The following PCSK6 variants were observed in gnomAD, a reference collection of about 807,000 sequenced individuals.
PCSK6 encodes paired basic amino acid cleaving enzyme 4.
In PCSK6, 85 loss-of-function variants were observed where a neutral mutation model predicts 123.3. That is an observed-to-expected ratio of 0.69 (90% CI 0.58 to 0.83). The LOEUF is 0.83. PCSK6 is among the 40% of genes least tolerant of loss of function. The probability of loss-of-function intolerance (pLI) is 0.00; values close to 1 mark genes in which losing one functional copy is unlikely to be tolerated. For missense variants in PCSK6, 1,191 were observed against 1,282.3 expected, an observed-to-expected ratio of 0.93 and a Z score of 1.09; for synonymous variants, 508 against 516.0, an observed-to-expected ratio of 0.98 and a Z score of 0.21.
intron 1 of PCSK6, among the ~76,000 whole-genome samples, chr15:101,445,277 C>T (rs2056857829): frequency 6.6e-6 from 1 of 152,198 alleles, no homozygotes; most frequent in African/African-American, 2.4e-5. Flanking sequence ...AGGTCTGCAT[C>T]TAATGTGACC....
At chr15:101,477,620 G>A (rs2057765945) in intron 1 of PCSK6, among the ~76,000 whole-genome samples, 1 of 152,172 alleles carries the variant, frequency 6.6e-6, no homozygotes, top group South Asian at 2.1e-4. Flanking sequence ...GTTCTTTTCT[G>A]TATTGCAAAA....
In PCSK6 at chr15:101,399,000, T is replaced by G. The variant is rs2042507469; in HGVS notation, c.824-424A>C. Among the ~76,000 whole-genome samples, 1 of 152,148 alleles carries G rather than the reference T, an allele frequency of 6.6e-6. No individual in the cohort carries two copies. Among genetic ancestry groups the G allele is most frequent in the African/African-American group, 2.4e-5 (1 of 41,424 alleles). On this transcript the variant is annotated intron_variant, in intron 6 of 21. Coordinates refer to ENST00000611716, the MANE Select transcript of PCSK6 (RefSeq NM_002570.5). The surrounding 1 kb of genome is among the most constrained non-coding windows in gnomAD (Gnocchi z 4.6). ...TCACTGCAAGCTCCACCTCCCGGGT[T>G]CAAGTGATTCTCCTGCCTCAGCCTC...
chr15:101,333,825 A>T (rs2040418353), intron 13 of PCSK6, among the ~76,000 whole-genome samples: 1 of 152,176 alleles, frequency 6.6e-6, no homozygotes, highest in African/African-American at 2.4e-5. Context: ...GACAGGCGGG[A>T]CTGGCCCCAC....
intron 1 of PCSK6, among the ~76,000 whole-genome samples, chr15:101,481,114 A>C (rs1215500804): frequency 2.6e-5 from 4 of 152,178 alleles, no homozygotes; most frequent in Non-Finnish European, 5.9e-5. Flanking sequence ...AACCTTAGAG[A>C]GCAGCCAGAG....
chr15:101,347,149 G>C (rs2040755551), intron 13 of PCSK6: 1 of 1,231,672 alleles, frequency 8.1e-7, no homozygotes, highest in Admixed American at 4.2e-5. Context: ...TGAGAGTTTA[G>C]TGACAAACTT....
chr15:101,393,511 A>G (rs1325859978), intron 7 of PCSK6, 87 bp from the exon 8 acceptor site: 3 of 985,060 alleles, frequency 3.0e-6, no homozygotes, highest in Non-Finnish European at 4.5e-6. Flanking sequence ...CCATCTCCCA[A>G]ATGTTCCTTC....
intron 6 of PCSK6, among the ~76,000 whole-genome samples, chr15:101,420,643 G>A (rs1456656014): frequency 1.3e-5 from 2 of 152,100 alleles, no homozygotes; most frequent in African/African-American, 4.8e-5. Context: ...GATTACAAGT[G>A]TGAACCACTA....
At chr15:101,469,087 C>T (rs940667055) in intron 1 of PCSK6, among the ~76,000 whole-genome samples, 1 of 152,048 alleles carries the variant, frequency 6.6e-6, no homozygotes, top group African/African-American at 2.4e-5. Context: ...ATCAAAATAG[C>T]GCTATGAGAA....
chr15:101,384,120 G>A, intron 10 of PCSK6: 3 of 985,244 alleles, frequency 3.0e-6, no homozygotes. Context: ...AGACTCTTGT[G>A]ACCTGAGGGT....
chr15:101,375,423 G>C (rs730557), intron 11 of PCSK6, among the ~76,000 whole-genome samples: 67,346 of 152,038 alleles, frequency 0.44, 15,639 homozygotes, highest in East Asian at 0.69. Flanking sequence ...ACTTTTTCCT[G>C]TACGTTAAAT....
intron 11 of PCSK6, among the ~76,000 whole-genome samples, chr15:101,378,689 C>G (rs2041821682): frequency 6.6e-6 from 1 of 152,232 alleles, no homozygotes; most frequent in Non-Finnish European, 1.5e-5. Flanking sequence ...GAGGTCCCCT[C>G]TTCCCTGATG....
At chr15:101,423,644 C>T (rs910110693) in intron 6 of PCSK6, among the ~76,000 whole-genome samples, 10 of 151,676 alleles carry the variant, frequency 6.6e-5, no homozygotes, top group Admixed American at 2.0e-4. Context: ...TCATTCCATT[C>T]GAAGCAGAGA....
intron 6 of PCSK6, among the ~76,000 whole-genome samples, chr15:101,422,082 T>C (rs924786092): frequency 6.6e-6 from 1 of 152,256 alleles, no homozygotes; most frequent in African/African-American, 2.4e-5. Flanking sequence ...CAAGTTGACA[T>C]GACTTTTCCT....
intron 6 of PCSK6, among the ~76,000 whole-genome samples, chr15:101,412,455 ATAAAGATTT>A (rs1220824046): frequency 2.0e-5 from 3 of 152,068 alleles, no homozygotes; most frequent in Non-Finnish European, 2.9e-5. Flanking sequence ...TTGTATATTA[ATAAAGATTT>A]TAAAGAGGCC....
At chr15:101,454,403 A>C (rs2057119761) in intron 1 of PCSK6, among the ~76,000 whole-genome samples, 1 of 152,218 alleles carries the variant, frequency 6.6e-6, no homozygotes, top group Admixed American at 6.5e-5. Context: ...GTGGATCGAC[A>C]AAACCTGGCA....
intron 12 of PCSK6, 147 bp downstream of exon 12, chr15:101,370,188 G>GA (rs1476734843): frequency 3.3e-6 from 2 of 597,940 alleles, no homozygotes; most frequent in East Asian, 6.8e-5. Context: ...GTCTCCAAGA[G>GA]AAAGGAAGCT....
intron 1 of PCSK6, among the ~76,000 whole-genome samples, chr15:101,466,348 G>A (rs567753388): frequency 2.6e-5 from 4 of 152,154 alleles, no homozygotes; most frequent in African/African-American, 4.8e-5. Flanking sequence ...AAAAAAAGAC[G>A]CATCATCACA....
chr15:101,370,307 C>T (rs776219497), intron 12 of PCSK6, 28 bp downstream of exon 12: 2 of 1,491,656 alleles, frequency 1.3e-6, no homozygotes, highest in African/African-American at 1.4e-5. Flanking sequence ...TGAGCCCAGA[C>T]CCCATCCCCA....
intron 7 of PCSK6, among the ~76,000 whole-genome samples, chr15:101,394,608 A>G (rs1280358963): frequency 6.6e-6 from 1 of 152,190 alleles, no homozygotes; most frequent in Non-Finnish European, 1.5e-5. Context: ...AACAGAGGAA[A>G]TTTATACTTA....
Sources: gnomAD v4.1 joint callset for allele counts (sites outside exome capture counted in the v4.1 genomes callset) on GRCh38, gnomAD v4.1.1 for gene constraint, Gnocchi (gnomAD v3.1) non-coding constraint, MANE v1.5 for transcripts, NCBI Gene and HGNC (gene_info 2026-07-23, HGNC 2026-07-21) for gene names.